ZBTB1: variants seen among roughly 807,000 people sequenced by gnomAD.
ZBTB1 encodes the protein zinc finger and BTB domain-containing protein 1.
ZBTB1 carries 13 observed loss-of-function variants against 51.6 expected under a neutral mutation model. The observed-to-expected ratio is 0.25, with a 90% confidence interval of 0.16 to 0.40. The LOEUF (loss-of-function observed/expected upper bound fraction) is 0.40, where lower values mean the gene tolerates loss of function less well. Among genes scored for constraint, ZBTB1 ranks in the 10% least tolerant of loss-of-function variants. ZBTB1 has a pLI of 1.00. For missense variants in ZBTB1, 567 were observed against 856.5 expected, an observed-to-expected ratio of 0.66 and a Z score of 4.22; for synonymous variants, 240 against 282.2, an observed-to-expected ratio of 0.85 and a Z score of 1.50.
At chr14:64,515,178 A>G (rs1034736549) in intron 1 of ZBTB1, among the ~76,000 whole-genome samples, 4 of 152,180 alleles carry the variant, frequency 2.6e-5, no homozygotes, top group Admixed American at 6.5e-5. Context: ...TTGGCATTAT[A>G]TAGCTTGTTT....
chr14:64,506,407 C>G (rs2079657101), intron 1 of ZBTB1, among the ~76,000 whole-genome samples: 1 of 152,164 alleles, frequency 6.6e-6, no homozygotes, highest in Admixed American at 6.5e-5. Context: ...GTGGCGGGCG[C>G]CTGTAATCCC....
chr14:64,529,304 A>T (rs1397330048), downstream of ZBTB1, among the ~76,000 whole-genome samples: 2 of 151,852 alleles, frequency 1.3e-5, no homozygotes, highest in African/African-American at 4.8e-5. Flanking sequence ...TATTTCCCCT[A>T]TTCCTGTCCT....
intron 1 of ZBTB1, among the ~76,000 whole-genome samples, chr14:64,518,166 A>G (rs547750560): frequency 1.8e-4 from 28 of 152,170 alleles, no homozygotes; most frequent in African/African-American, 6.5e-4. Flanking sequence ...TCACTGCCAC[A>G]TGACAGTGAA....
At chr14:64,521,158 C>T (rs1208568558) in intron 1 of ZBTB1, among the ~76,000 whole-genome samples, 1 of 152,200 alleles carries the variant, frequency 6.6e-6, no homozygotes, top group Middle Eastern at 3.2e-3. Context: ...CCACTGCACT[C>T]GGCCTCCTTC....
intron 1 of ZBTB1, among the ~76,000 whole-genome samples, chr14:64,506,061 A>G (rs2079649869): frequency 6.6e-6 from 1 of 152,240 alleles, no homozygotes. Flanking sequence ...GCAGATAGAT[A>G]TGATGTGGAG....
exon 3 of ZBTB1, chr14:64,531,895 T>A: frequency 1.2e-6 from 2 of 1,613,692 alleles, no homozygotes; most frequent in Non-Finnish European, 1.7e-6. Flanking sequence ...TGTGGAGAAG[T>A]GAGAGATCTG....
chr14:64,525,415 A>G (rs1188382479), downstream of ZBTB1, among the ~76,000 whole-genome samples: 6 of 151,484 alleles, frequency 4.0e-5, no homozygotes, highest in Non-Finnish European at 8.8e-5. Flanking sequence ...AATCCAACTT[A>G]AAATGAAATG....
Position 64,523,486 on chromosome 14 carries a change from A to G in ZBTB1, c.1982A>G (p.Glu661Gly). 1 of 1,613,294 alleles carries G rather than the reference A, an allele frequency of 6.2e-7. No individual in the cohort carries two copies. The highest frequency in any genetic ancestry group is 8.5e-7 in the Non-Finnish European group (1 of 1,179,486). Residue 661 changes from glutamate to glycine, a missense_variant, in exon 2 of 2, where the codon GAG becomes GGG. Around this residue, in one of 5 missense-constraint regions of ZBTB1, gnomAD observed 69 missense variants for 171.8 expected, o/e 0.40. Transcript: ENST00000683701. The surrounding 1 kb of genome is among the most constrained non-coding windows in gnomAD (Gnocchi z 4.5). ...ATGATTTCTCATTTATCTGCTGGTG[A>G]GACTATATGCCAGGTCTGCTTTCAG... The part of the protein sequence containing the change: ...RHMISHLSAG[E>G]TICQVCFQIF...
rs939058131 is a variant in ZBTB1, at chr14:64,523,201, T to C, written c.1697T>C (p.Ile566Thr). Reference sequence around the variant, plus strand: ...GATCAAGATATGTTTAAGAGTGCCATCATGGAAGAAAATGAAAGAGATCAC... The same window carrying C: ...GATCAAGATATGTTTAAGAGTGCCACCATGGAAGAAAATGAAAGAGATCAC... ...CLDQDMFKSA[I>T]MEENERDHRR... The change falls in exon 2 of 2, where the codon ATC becomes ACC. Residue 566 changes from isoleucine (I) to threonine (T), a missense_variant. Physicochemically the swap from Ile to Thr is moderately conservative, Grantham distance 89. This residue lies in a region of ZBTB1 where 329 missense variants were observed against 406.3 expected (regional missense o/e 0.81). Transcript: ENST00000683701. This position sits in a 1 kb window ranked among gnomAD's most constrained non-coding sequence, Gnocchi z 4.5. The C allele has an allele frequency of 2.5e-6, 4 of 1,614,186 alleles. No homozygotes were observed. In the Admixed American group the frequency reaches 6.7e-5, roughly 27 times the overall value.
At chr14:64,513,298 T>C (rs1004897097) in intron 1 of ZBTB1, among the ~76,000 whole-genome samples, 55 of 152,300 alleles carry the variant, frequency 3.6e-4, no homozygotes, top group African/African-American at 1.3e-3. Context: ...TACATCTCCC[T>C]ATACATCTGC....
At chr14:64,527,696 T>C (rs981176652), downstream of ZBTB1, among the ~76,000 whole-genome samples, 8 of 151,774 alleles carry the variant, frequency 5.3e-5, no homozygotes, top group Admixed American at 6.6e-5. Context: ...CTCTTGAACT[T>C]GGAAGGTGGA....
intron 1 of ZBTB1, among the ~76,000 whole-genome samples, chr14:64,507,028 C>T (rs540804645): frequency 2.0e-5 from 3 of 152,316 alleles, no homozygotes; most frequent in Admixed American, 6.5e-5. Flanking sequence ...CATCATTTCC[C>T]TTTCTAATGT....
At chr14:64,507,765 G>A (rs890701539) in intron 1 of ZBTB1, among the ~76,000 whole-genome samples, 9 of 152,198 alleles carry the variant, frequency 5.9e-5, no homozygotes, top group African/African-American at 1.2e-4. Context: ...TCATGTTAAT[G>A]TTGTTGCCCA....
chr14:64,518,933 T>TATATATAC lies in ZBTB1; in HGVS notation c.-18-2551_-18-2550insTATACATA, dbSNP rs1214901523. On this transcript the variant is annotated intron_variant, in intron 1 of 1. Transcript: ENST00000683701. ...ATATATATATATATATATATATATA[T>TATATATAC]ATAGTATGATACCATTTAGGTTAAA... Among the ~76,000 whole-genome samples the TATATATAC allele has an allele frequency of 2.2e-5, 3 of 138,900 alleles. No individual in the cohort carries two copies. In the East Asian group the frequency reaches 6.2e-4, roughly 29 times the overall value. The allele number at this position is 138,900 out of a possible 152,430, so 91.1% of individuals were successfully genotyped here.
intron 1 of ZBTB1, among the ~76,000 whole-genome samples, chr14:64,515,903 ACTC>A (rs1251080834): frequency 2.0e-5 from 3 of 151,856 alleles, no homozygotes; most frequent in African/African-American, 7.3e-5. Context: ...CCTGCCGCAT[ACTC>A]CTCTACCTGT....
chr14:64,524,856 A>G lies in ZBTB1; in HGVS notation c.*1210A>G, dbSNP rs548608913. ...TCATTTTTTCAGTTAAAGTAGTAGT[A>G]TTGTTAGTTGTTGCTGACACAGGGT... On this transcript the variant is annotated 3_prime_UTR_variant, in exon 2 of 2. Transcript: ENST00000683701. 3.1e-4 allele frequency: 302 copies of G among 985,156 alleles called. No homozygotes were observed. Among genetic ancestry groups the G allele is most frequent in the Non-Finnish European group, 3.5e-4 (293 of 829,812 alleles). The allele number at this position is 985,156 out of a possible 1,614,324, so 61.0% of individuals were successfully genotyped here. A position where few individuals can be genotyped will look rare whatever the true frequency, so the allele number is the denominator to read the frequency against.
intron 1 of ZBTB1, among the ~76,000 whole-genome samples, chr14:64,513,221 T>C (rs902269443): frequency 2.6e-5 from 4 of 151,562 alleles, no homozygotes; most frequent in African/African-American, 9.8e-5. Flanking sequence ...ATCTCACACA[T>C]ATATATTGCA....
At chr14:64,512,600 A>T (rs1001173002) in intron 1 of ZBTB1, among the ~76,000 whole-genome samples, 1 of 152,240 alleles carries the variant, frequency 6.6e-6, no homozygotes, top group Admixed American at 6.5e-5. Context: ...CAAATAAATT[A>T]AAAATAAAGT....
At chr14:64,528,701 A>G (rs1162750932), downstream of ZBTB1, among the ~76,000 whole-genome samples, 6 of 152,086 alleles carry the variant, frequency 3.9e-5, no homozygotes, top group Non-Finnish European at 8.8e-5. Flanking sequence ...TCACTTAATA[A>G]CCCCAGCATC....
Sources: gnomAD v4.1 joint callset for allele counts (sites outside exome capture counted in the v4.1 genomes callset) on GRCh38, gnomAD v4.1.1 for gene constraint, gnomAD v4.1.1 regional missense constraint, Gnocchi (gnomAD v3.1) non-coding constraint, MANE v1.5 for transcripts, NCBI Gene and HGNC (gene_info 2026-07-23, HGNC 2026-07-21) for gene names.